The following ARMC2 variants were observed in gnomAD, a reference collection of about 807,000 sequenced individuals.
The protein encoded by ARMC2 is armadillo repeat containing 2.
ARMC2 carries 67 observed loss-of-function variants against 90.3 expected under a neutral mutation model. That is an observed-to-expected ratio of 0.74 (90% CI 0.61 to 0.91). The LOEUF (loss-of-function observed/expected upper bound fraction) is 0.91, where lower values mean the gene tolerates loss of function less well. Among genes scored for constraint, ARMC2 ranks in the 40% least tolerant of loss-of-function variants. The pLI, the probability that ARMC2 is intolerant of heterozygous loss-of-function variation, is 0.00. For synonymous variants in ARMC2, 393 were observed against 393.0 expected (o/e 1.00, Z 0.00); for missense variants, 920 against 1,030.9 (o/e 0.89, Z 1.47).
chr6:108,922,344 C>G (rs1774664548), intron 10 of ARMC2, among the ~76,000 whole-genome samples: 2 of 151,888 alleles, frequency 1.3e-5, no homozygotes, highest in African/African-American at 2.4e-5. Context: ...AAAGGCATGG[C>G]TCACTGCAGC....
In ARMC2 at chr6:108,868,955, G is replaced by A. The variant is rs138675941; in HGVS notation, c.423G>A (p.Gln141=). Residue 141 remains glutamine, a synonymous_variant, in exon 4 of 18, where the codon CAG becomes CAA. Coordinates refer to ENST00000392644, the MANE Select transcript of ARMC2 (RefSeq NM_032131.6). ...CTCGCTTATTCAGGGCTGCCTCCCA[G>A]CGGGCCCTTCTGCCGGACAGATCCC... ...ARARLFRAAS[Q]RALLPDRSLP... The A allele has an allele frequency of 1.6e-4, 261 of 1,613,788 alleles. No individual in the cohort carries two copies. Among genetic ancestry groups the A allele is most frequent in the Middle Eastern group, 3.3e-4 (2 of 6,062 alleles).
At chr6:108,873,629 C>T (rs1776653294) in intron 4 of ARMC2, among the ~76,000 whole-genome samples, 1 of 152,244 alleles carries the variant, frequency 6.6e-6, no homozygotes, top group Non-Finnish European at 1.5e-5. Context: ...AGCCTTAAAA[C>T]AAGTATAGGC....
At chr6:108,938,701 G>A (rs1307588617) in intron 12 of ARMC2, among the ~76,000 whole-genome samples, 1 of 135,560 alleles carries the variant, frequency 7.4e-6, no homozygotes, top group African/African-American at 2.7e-5. Context: ...TTTCAAATAT[G>A]GACAAAAGAA....
rs982263721 is a variant in ARMC2 at position 108,848,450 on chromosome 6, C to G, written c.-140C>G. ...GGCCGAGCGGCGTCGTGGGGTTACC[C>G]CGCCCGCGCCAGCGCTGCATCCCTG... is the stretch of plus-strand genomic sequence containing the variant. On this transcript the variant is annotated 5_prime_UTR_variant, in exon 1 of 18. Coordinates refer to ENST00000392644, the MANE Select transcript of ARMC2 (RefSeq NM_032131.6). 2 of 152,454 alleles carry G rather than the reference C, an allele frequency of 1.3e-5. No homozygotes were observed. Among genetic ancestry groups the G allele is most frequent in the East Asian group, 1.9e-4 (1 of 5,182 alleles). The allele number at this position is 152,454 out of a possible 1,614,324, so 9.4% of individuals were successfully genotyped here. A position where few individuals can be genotyped will look rare whatever the true frequency, so the allele number is the denominator to read the frequency against.
intron 11 of ARMC2, among the ~76,000 whole-genome samples, chr6:108,930,903 C>CTTT (rs533786819): frequency 7.1e-6 from 1 of 140,264 alleles, no homozygotes; most frequent in East Asian, 2.1e-4. Context: ...CCCCCACCCC[C>CTTT]TTTTTTTTTT....
chr6:108,943,611 G>A (rs1215794756), intron 12 of ARMC2, among the ~76,000 whole-genome samples: 1 of 151,978 alleles, frequency 6.6e-6, no homozygotes, highest in Non-Finnish European at 1.5e-5. Context: ...CTGAAGCCAG[G>A]AGTTCGAGAC....
chr6:108,875,801 G>A (rs1278495085), intron 4 of ARMC2, among the ~76,000 whole-genome samples: 1 of 152,144 alleles, frequency 6.6e-6, no homozygotes, highest in African/African-American at 2.4e-5. Flanking sequence ...GAAAAATTAT[G>A]TGATCAAATT....
chr6:108,980,841 G>C, the ARMC2 span, among the ~76,000 whole-genome samples: 1 of 152,226 alleles, frequency 6.6e-6, no homozygotes. Context: ...AGTAAGCCGA[G>C]ATTGTGCCAC....
chr6:108,969,790 C>T (rs1443399683), intron 17 of ARMC2, among the ~76,000 whole-genome samples: 2 of 152,064 alleles, frequency 1.3e-5, no homozygotes, highest in Non-Finnish European at 2.9e-5. Flanking sequence ...GCCTGTAATC[C>T]CAGCACTTTG....
At chr6:108,963,503 G>A (rs528658532) in intron 15 of ARMC2, among the ~76,000 whole-genome samples, 4 of 152,288 alleles carry the variant, frequency 2.6e-5, no homozygotes, top group East Asian at 1.9e-4. Flanking sequence ...GCTAGAACAG[G>A]GCAGCCCCTC....
At chr6:108,977,434 A>G (rs186801184), downstream of ARMC2, among the ~76,000 whole-genome samples, 6 of 152,320 alleles carry the variant, frequency 3.9e-5, no homozygotes, top group Non-Finnish European at 1.5e-5. Flanking sequence ...ATCGATGTTC[A>G]TCAGGGATAT....
chr6:109,015,430 A>G, the ARMC2 span, among the ~76,000 whole-genome samples: 1 of 152,226 alleles, frequency 6.6e-6, no homozygotes, highest in African/African-American at 2.4e-5. Flanking sequence ...TGTGTCTGAC[A>G]AGATACCATT....
At chr6:108,999,293 T>A in the ARMC2 span, among the ~76,000 whole-genome samples, 1 of 152,182 alleles carries the variant, frequency 6.6e-6, no homozygotes, top group Non-Finnish European at 1.5e-5. Context: ...TCATTATCTA[T>A]TTTGTAATCT....
chr6:108,972,100 A>G (rs1778807962), intron 17 of ARMC2, among the ~76,000 whole-genome samples: 1 of 152,188 alleles, frequency 6.6e-6, no homozygotes, highest in South Asian at 2.1e-4. Flanking sequence ...GTGAGGCTCA[A>G]CATCAACATG....
At chr6:108,901,167 G>A (rs906567700) in intron 7 of ARMC2, among the ~76,000 whole-genome samples, 4 of 126,060 alleles carry the variant, frequency 3.2e-5, no homozygotes, top group African/African-American at 1.2e-4. Flanking sequence ...AGGCTGGAGT[G>A]CAGTGGCGCA....
chr6:108,880,570 A>G (rs1269380078), intron 5 of ARMC2, among the ~76,000 whole-genome samples: 1 of 152,246 alleles, frequency 6.6e-6, no homozygotes, highest in Admixed American at 6.5e-5. Context: ...GAACGAAGAT[A>G]ATGATCAAGT....
At chr6:108,938,599 CTTT>C (rs4027582) in intron 12 of ARMC2, among the ~76,000 whole-genome samples, 1 of 83,104 alleles carries the variant, frequency 1.2e-5, no homozygotes, top group South Asian at 4.8e-4. Flanking sequence ...CCATTACTAC[CTTT>C]TTTTTTTTTT....
At chr6:108,936,005 G>A (rs1284903530) in intron 11 of ARMC2, among the ~76,000 whole-genome samples, 2 of 152,020 alleles carry the variant, frequency 1.3e-5, no homozygotes, top group African/African-American at 4.8e-5. Context: ...TATTAATGAT[G>A]TTTTACCTAT....
In ARMC2 at chr6:108,894,506, C is replaced by T. The variant is rs769592319; in HGVS notation, c.711C>T (p.Pro237=). 1 of 1,611,640 alleles carries T rather than the reference C, an allele frequency of 6.2e-7. No homozygotes were observed. The highest frequency in any genetic ancestry group is 8.5e-7 in the Non-Finnish European group (1 of 1,178,938). The change falls in exon 6 of 18, where the codon CCC becomes CCT. Residue 237 remains proline (P), a synonymous_variant. Coordinates refer to ENST00000392644, the MANE Select transcript of ARMC2 (RefSeq NM_032131.6). ...GACATGCGAGGGCCTCATCATGCCC[C>T]AGTAGCTCAGACCTGAGCAGGCTGC... The part of the protein sequence containing the change: ...GKRHARASSC[P]SSSDLSRLQT...
Sources: allele counts gnomAD v4.1 joint callset (sites outside exome capture counted in the v4.1 genomes callset), GRCh38; gene constraint gnomAD v4.1.1; transcripts MANE v1.5; gene names NCBI Gene and HGNC (gene_info 2026-07-23, HGNC 2026-07-21).